TFDP2: variants seen among roughly 807,000 people sequenced by gnomAD.
TFDP2 encodes the protein transcription factor Dp-2, also known as transcription factor Dp-2 (E2F dimerization partner 2).
TFDP2 carries 17 observed loss-of-function variants against 59.3 expected under a neutral mutation model. The observed-to-expected ratio is 0.29, with a 90% CI of 0.20 to 0.43. The LOEUF (loss-of-function observed/expected upper bound fraction) is 0.43, where lower values mean the gene tolerates loss of function less well. Among genes scored for constraint, TFDP2 ranks in the 20% least tolerant of loss-of-function variants. The pLI is 1.00. For missense variants in TFDP2, 391 were observed against 528.8 expected, an observed-to-expected ratio of 0.74 and a Z score of 2.56; for synonymous variants, 180 against 194.7, an observed-to-expected ratio of 0.92 and a Z score of 0.63.
intron 3 of TFDP2, among the ~76,000 whole-genome samples, chr3:142,039,813 G>A (rs1356615641): frequency 6.6e-6 from 1 of 152,130 alleles, no homozygotes; most frequent in African/African-American, 2.4e-5. Flanking sequence ...TGTGATGGAG[G>A]CATGATGGGA....
intron 7 of TFDP2, among the ~76,000 whole-genome samples, chr3:141,975,313 TGGA>T (rs910308701): frequency 5.3e-4 from 80 of 152,156 alleles, no homozygotes; most frequent in African/African-American, 1.9e-3. Flanking sequence ...TAAAGGATGG[TGGA>T]GAACACTGAA....
chr3:141,959,593 A>C, intron 11 of TFDP2, 81 bp downstream of exon 11: 1 of 1,533,112 alleles, frequency 6.5e-7, no homozygotes. Flanking sequence ...AAAATTTTGC[A>C]ATTTTCTATA....
At chr3:142,025,186 A>ATTCCCAACC in intron 3 of TFDP2, among the ~76,000 whole-genome samples, 2 of 152,306 alleles carry the variant, frequency 1.3e-5, no homozygotes, top group African/African-American at 4.8e-5. Flanking sequence ...TCCAGGTAAC[A>ATTCCCAACC]AACTTGAATG....
intron 3 of TFDP2, among the ~76,000 whole-genome samples, chr3:142,013,134 T>G (rs1944853430): frequency 6.6e-6 from 1 of 152,018 alleles, no homozygotes; most frequent in South Asian, 2.1e-4. Flanking sequence ...CGAGACTCCA[T>G]CTTAAAAATA....
chr3:141,970,573 G>A (rs1939573678), intron 8 of TFDP2, among the ~76,000 whole-genome samples: 1 of 152,158 alleles, frequency 6.6e-6, no homozygotes, highest in African/African-American at 2.4e-5. Context: ...AGGCATAGAG[G>A]GCTTAAGTAA....
At chr3:142,132,071 T>C (rs1250706765) in intron 1 of TFDP2, among the ~76,000 whole-genome samples, 2 of 144,394 alleles carry the variant, frequency 1.4e-5, no homozygotes, top group African/African-American at 5.4e-5. Flanking sequence ...ATTACCAAAA[T>C]AGTAAAAAAG....
chr3:141,955,090 A>T (rs1328006282), intron 11 of TFDP2, among the ~76,000 whole-genome samples: 2 of 152,230 alleles, frequency 1.3e-5, no homozygotes, highest in Non-Finnish European at 2.9e-5. Context: ...AATATTAATT[A>T]GTATATAGAA....
chr3:141,978,392 C>CA (rs982036350), intron 7 of TFDP2, 128 bp downstream of exon 7: 90 of 987,396 alleles, frequency 9.1e-5, no homozygotes, highest in East Asian at 2.1e-4. Context: ...TCAACAACAA[C>CA]AAAAAATCCC....
chr3:142,042,634 T>TC (rs1560077888), intron 3 of TFDP2, among the ~76,000 whole-genome samples: 5 of 132,164 alleles, frequency 3.8e-5, no homozygotes, highest in East Asian at 2.0e-4. Context: ...TCTTTTCTTT[T>TC]TTTTTTTTTT....
Position 142,091,680 on chromosome 3 carries a change from G to A in TFDP2, c.82+1381C>T, listed in dbSNP as rs148807177. On this transcript the variant is annotated intron_variant, in intron 3 of 12. Transcript: ENST00000489671. Reference sequence around the variant, plus strand: ...TTTTTTGGTACCAGGGACCAGTTTCGTGGAAGACAATTTTTCCATGGATGG... The same window carrying A: ...TTTTTTGGTACCAGGGACCAGTTTCATGGAAGACAATTTTTCCATGGATGG... Among the ~76,000 whole-genome samples the A allele has an allele frequency of 7.9e-3, 1,200 of 152,256 alleles. 13 individuals carry two copies. The highest frequency in any genetic ancestry group is 0.026 in the African/African-American group (1,078 of 41,542).
chr3:142,066,314 A>G (rs928091314), intron 3 of TFDP2, among the ~76,000 whole-genome samples: 5 of 152,228 alleles, frequency 3.3e-5, no homozygotes, highest in Non-Finnish European at 7.3e-5. Flanking sequence ...TATGAAGGTA[A>G]GTATGATGCG....
At chr3:142,081,726 T>C (rs1258134773) in intron 3 of TFDP2, among the ~76,000 whole-genome samples, 1 of 152,166 alleles carries the variant, frequency 6.6e-6, no homozygotes, top group Non-Finnish European at 1.5e-5. Context: ...TTGGAAAACC[T>C]AGAAGAAATG....
At chr3:142,088,614 T>C (rs1287159559) in intron 3 of TFDP2, among the ~76,000 whole-genome samples, 2 of 58,970 alleles carry the variant, frequency 3.4e-5, no homozygotes, top group Admixed American at 1.4e-4. Flanking sequence ...TTTTTTTTTC[T>C]TTTTTTTTTT....
chr3:141,989,890 A>T (rs55920121), intron 6 of TFDP2, among the ~76,000 whole-genome samples: 13,428 of 147,224 alleles, frequency 0.091, 670 homozygotes, highest in Non-Finnish European at 0.12. Context: ...TAATAATAAT[A>T]ATAATTATTA....
chr3:142,054,496 G>C (rs966107513), intron 3 of TFDP2, among the ~76,000 whole-genome samples: 1 of 152,166 alleles, frequency 6.6e-6, no homozygotes, highest in Admixed American at 6.6e-5. Flanking sequence ...TGTTATTTAT[G>C]TATCAGTTCT....
intron 5 of TFDP2, chr3:141,994,391 T>C (rs564778736): frequency 6.6e-6 from 1 of 152,220 alleles, no homozygotes; most frequent in Admixed American, 6.5e-5. Flanking sequence ...GGTAACAAAA[T>C]GAGGTTTTGA....
At chr3:142,053,012 G>T (rs993690723) in intron 3 of TFDP2, among the ~76,000 whole-genome samples, 3 of 151,974 alleles carry the variant, frequency 2.0e-5, no homozygotes, top group Non-Finnish European at 4.4e-5. Context: ...GTTTCACCGT[G>T]TTAGCCAGGA....
chr3:141,969,213 ATATATCT>A (rs2107982008), intron 9 of TFDP2, among the ~76,000 whole-genome samples: 1 of 106,424 alleles, frequency 9.4e-6, no homozygotes, highest in Admixed American at 1.1e-4. Flanking sequence ...TAACATATAT[ATATATCT>A]CATATATATG....
At chr3:142,061,752 G>A (rs1333845594) in intron 3 of TFDP2, among the ~76,000 whole-genome samples, 1 of 152,000 alleles carries the variant, frequency 6.6e-6, no homozygotes, top group East Asian at 1.9e-4. Flanking sequence ...GTGATTCTCA[G>A]CCTTCAGACT....
Sources: allele counts gnomAD v4.1 joint callset (sites outside exome capture counted in the v4.1 genomes callset), GRCh38; gene constraint gnomAD v4.1.1; transcripts MANE v1.5; gene names NCBI Gene and HGNC (gene_info 2026-07-23, HGNC 2026-07-21).